CKAP5: variants seen among roughly 807,000 people sequenced by gnomAD.
The protein encoded by CKAP5 is cytoskeleton associated protein 5.
A neutral mutation model predicts 232.8 loss-of-function variants in CKAP5; 27 were observed. That is an observed-to-expected ratio of 0.12 (90% CI 0.09 to 0.16). The LOEUF (loss-of-function observed/expected upper bound fraction) is 0.16, where lower values mean the gene tolerates loss of function less well. Ranked by LOEUF, CKAP5 falls within the 10% of genes least tolerant of loss-of-function variation. The probability of loss-of-function intolerance (pLI) is 1.00; values close to 1 mark genes in which losing one functional copy is unlikely to be tolerated. For synonymous variants in CKAP5, 785 were observed against 841.1 expected (o/e 0.93, Z 1.16); for missense variants, 1,838 against 2,424.7 (o/e 0.76, Z 5.08).
intron 17 of CKAP5, among the ~76,000 whole-genome samples, chr11:46,784,167 G>A (rs999225036): frequency 3.3e-5 from 5 of 151,814 alleles, no homozygotes; most frequent in African/African-American, 9.7e-5. Context: ...TCAGGAGTTC[G>A]AGACAAGCCT....
chr11:46,801,254 A>G lies in CKAP5; in HGVS notation c.1029T>C (p.Cys343=). 6.2e-7 allele frequency: 1 copy of G among 1,613,934 alleles called. No individual in the cohort carries two copies. The highest frequency in any genetic ancestry group is 8.5e-7 in the Non-Finnish European group (1 of 1,179,810). ...TTAGCCCAACAGCCAGGCCAGTAAGACATTTTGCTGCCAAAGCCACCAACA... is the reference window on the plus strand; with the variant it reads ...TTAGCCCAACAGCCAGGCCAGTAAGGCATTTTGCTGCCAAAGCCACCAACA... ...NVMLVALAAK[C]LTGLAVGLRK... Residue 343 remains cysteine (C), a synonymous_variant, in exon 9 of 44, where the codon TGT becomes TGC. Coordinates refer to ENST00000529230, the MANE Select transcript of CKAP5 (RefSeq NM_001008938.4).
At chr11:46,841,088 G>C (rs1384741017) in intron 1 of CKAP5, among the ~76,000 whole-genome samples, 1 of 152,050 alleles carries the variant, frequency 6.6e-6, no homozygotes, top group Admixed American at 6.6e-5. Flanking sequence ...GGCCAAAATG[G>C]AGAAACCCCG....
intron 12 of CKAP5, among the ~76,000 whole-genome samples, chr11:46,796,251 A>G (rs1365896220): frequency 6.6e-6 from 1 of 151,982 alleles, no homozygotes; most frequent in Non-Finnish European, 1.5e-5. Context: ...TTTTGGCAGT[A>G]GATAGACATA....
At chr11:46,765,825 G>A (rs989345234) in intron 27 of CKAP5, among the ~76,000 whole-genome samples, 2 of 151,872 alleles carry the variant, frequency 1.3e-5, no homozygotes, top group Admixed American at 6.6e-5. Flanking sequence ...GGCTGGTCTC[G>A]AGCTCCTGAC....
intron 18 of CKAP5, among the ~76,000 whole-genome samples, chr11:46,782,469 GTTCT>G (rs2065352641): frequency 3.3e-5 from 5 of 152,160 alleles, no homozygotes; most frequent in Admixed American, 2.6e-4. Context: ...ATAACAAACC[GTTCT>G]TTGTTATTTG....
At chr11:46,792,030 A>G (rs566075289) in intron 13 of CKAP5, among the ~76,000 whole-genome samples, 1 of 152,350 alleles carries the variant, frequency 6.6e-6, no homozygotes, top group Admixed American at 6.5e-5. Context: ...TGTAATACTT[A>G]CCATGTCATA....
Position 46,818,331 on chromosome 11 carries a change from T to G in CKAP5, c.230A>C (p.Glu77Ala), listed in dbSNP as rs754614655. The G allele has an allele frequency of 1.3e-6, 2 of 1,591,530 alleles. No homozygotes were observed. Among genetic ancestry groups the G allele is most frequent in the Admixed American group, 3.7e-5 (2 of 54,340 alleles). ...TTACTTTCCTGCTACATGGGCATTT[T>G]CAACATAAACAAGTGCAGCTTCTAA... ...KGLEAALVYV[E>A]NAHVAGKTTG... is the part of the protein sequence containing the mutation. Residue 77 changes from glutamate (E) to alanine (A), a missense_variant, in exon 3 of 44, where the codon GAA becomes GCA. Physicochemically the swap from Glu to Ala is moderately radical, Grantham distance 107. This residue lies in a region of CKAP5 where 285 missense variants were observed against 300.0 expected (regional missense o/e 0.95). Transcript: ENST00000529230.
chr11:46,795,289 C>G (rs574924237), intron 13 of CKAP5, among the ~76,000 whole-genome samples: 1 of 151,552 alleles, frequency 6.6e-6, no homozygotes, highest in East Asian at 1.9e-4. Context: ...GATTGCATCA[C>G]TGCACTCCAG....
intron 42 of CKAP5, among the ~76,000 whole-genome samples, chr11:46,749,576 G>C (rs1037385884): frequency 6.6e-6 from 1 of 152,022 alleles, no homozygotes; most frequent in Non-Finnish European, 1.5e-5. Context: ...ATTTAAAGTG[G>C]TGAAAGTAGA....
chr11:46,797,866 T>C lies in CKAP5; in HGVS notation c.1277A>G (p.His426Arg), dbSNP rs1592464945. ...CTTTGGCAGGGTAGAAGCAGTGCAG[T>C]GGCGGAAACTTCTTGCAATAAAAAG... ...TSLFIARSFRHCTASTLPKSL... is the reference protein window; with the variant it reads ...TSLFIARSFRRCTASTLPKSL... The change falls in exon 11 of 44, where the codon CAC becomes CGC. Residue 426 changes from histidine to arginine, a missense_variant. Transcript: ENST00000529230. 1 of 1,614,012 alleles carries C rather than the reference T, an allele frequency of 6.2e-7. No individual in the cohort carries two copies. Among genetic ancestry groups the C allele is most frequent in the Non-Finnish European group, 8.5e-7 (1 of 1,180,020 alleles).
intron 27 of CKAP5, among the ~76,000 whole-genome samples, chr11:46,766,251 T>C (rs1271799838): frequency 6.6e-6 from 1 of 152,226 alleles, no homozygotes; most frequent in Non-Finnish European, 1.5e-5. Flanking sequence ...AGATCATTTA[T>C]ATGAAACTGC....
At chr11:46,753,212 T>C (rs770679157) in intron 37 of CKAP5, 98 bp downstream of exon 37, 3 of 903,028 alleles carry the variant, frequency 3.3e-6, no homozygotes, top group Non-Finnish European at 5.1e-6. Context: ...TTATGATTGT[T>C]AGGTTGCCTA....
At chr11:46,795,966 C>T (rs961928678) in intron 12 of CKAP5, among the ~76,000 whole-genome samples, 190 bp from the exon 13 acceptor site, 2 of 152,064 alleles carry the variant, frequency 1.3e-5, no homozygotes, top group Non-Finnish European at 2.9e-5. Context: ...AGGTTTGAGA[C>T]CAGCCTGGCC....
In CKAP5 at chr11:46,770,029, G is replaced by A. The variant is rs757640017; in HGVS notation, c.3256C>T (p.Pro1086Ser). 1.1e-5 allele frequency: 18 copies of A among 1,614,114 alleles called. No homozygotes were observed. The highest frequency in any genetic ancestry group is 1.7e-5 in the Admixed American group (1 of 60,028). ...AKVNMPAKPA[P>S]PTKATSKPMG... is the part of the protein sequence containing the mutation. ...GGTTTAGAAGTTGCTTTAGTGGGTG[G>A]AGCAGGCTTGGCTGGCATGTTAACT... Residue 1086 changes from proline to serine, a missense_variant, in exon 26 of 44, where the codon CCA becomes TCA. This residue lies in a region of CKAP5 where 767 missense variants were observed against 954.6 expected (regional missense o/e 0.80). Transcript: ENST00000529230.
rs751697344 is a variant in CKAP5, at chr11:46,790,205, T to G, written c.1765-19A>C. 39 of 1,520,760 alleles carry G rather than the reference T, an allele frequency of 2.6e-5. No homozygotes were observed. The highest frequency in any genetic ancestry group is 3.4e-5 in the Non-Finnish European group (38 of 1,102,498). 94.2% of individuals were successfully genotyped at this position (1,520,760 alleles called of 1,614,324 possible). The stretch of plus-strand genomic sequence containing the variant: ...CTTCTATCTGTAAGATACAAAAACA[T>G]ATTAGAATTAGGAATTGCTTAAGGG... On this transcript the variant is annotated intron_variant, in intron 14 of 43. Transcript: ENST00000529230.
At chr11:46,774,514 AG>A (rs1311583783) in intron 24 of CKAP5, among the ~76,000 whole-genome samples, 4 of 152,230 alleles carry the variant, frequency 2.6e-5, no homozygotes, top group African/African-American at 7.2e-5. Context: ...GAACCAAAAA[AG>A]AGCCTGTATA....
chr11:46,775,606 T>G (rs1316936455), intron 24 of CKAP5, among the ~76,000 whole-genome samples: 2 of 152,060 alleles, frequency 1.3e-5, no homozygotes, highest in African/African-American at 4.8e-5. Context: ...ATAAAGAAAA[T>G]GTGGCACATA....
At chr11:46,838,470 C>T (rs924956147) in intron 1 of CKAP5, among the ~76,000 whole-genome samples, 2 of 151,464 alleles carry the variant, frequency 1.3e-5, no homozygotes, top group African/African-American at 4.9e-5. Context: ...GACTGTGTCT[C>T]CACAAAAAGA....
intron 1 of CKAP5, among the ~76,000 whole-genome samples, chr11:46,845,084 T>C (rs1169522015): frequency 6.6e-6 from 1 of 152,256 alleles, no homozygotes; most frequent in Non-Finnish European, 1.5e-5. Flanking sequence ...GTCCAGTCAC[T>C]TCAGAGAAGT....
Sources: gnomAD v4.1 joint callset for allele counts (sites outside exome capture counted in the v4.1 genomes callset) on GRCh38, gnomAD v4.1.1 for gene constraint, gnomAD v4.1.1 regional missense constraint, MANE v1.5 for transcripts, NCBI Gene and HGNC (gene_info 2026-07-23, HGNC 2026-07-21) for gene names.